DOCK5: variants seen among roughly 807,000 people sequenced by gnomAD.
The protein encoded by DOCK5 is dedicator of cytokinesis 5, also known as dedicator of cytokinesis protein 5.
In DOCK5, 142 loss-of-function variants were observed where a neutral mutation model predicts 251.8. That is an observed-to-expected ratio of 0.56 (90% CI 0.49 to 0.65). DOCK5 has a LOEUF of 0.65. DOCK5 is among the 30% of genes least tolerant of loss of function. The pLI is 0.00. For synonymous variants in DOCK5, 842 were observed against 835.5 expected, an observed-to-expected ratio of 1.01 and a Z score of -0.13; for missense variants, 2,111 against 2,312.3, an observed-to-expected ratio of 0.91 and a Z score of 1.79.
intron 3 of DOCK5, chr8:25,271,092 A>G (rs1179998502): frequency 2.8e-6 from 1 of 363,038 alleles, no homozygotes; most frequent in Non-Finnish European, 4.9e-6. Context: ...AGTCTAGCTA[A>G]TAGTGCCATT....
At chr8:25,290,142 C>A (rs1161389963) in intron 5 of DOCK5, among the ~76,000 whole-genome samples, 1 of 151,840 alleles carries the variant, frequency 6.6e-6, no homozygotes, top group Non-Finnish European at 1.5e-5. Context: ...TCCTTGAGGG[C>A]AGAAACTTTA....
At chr8:25,207,533 G>A (rs1338688133) in intron 1 of DOCK5, among the ~76,000 whole-genome samples, 1 of 152,160 alleles carries the variant, frequency 6.6e-6, no homozygotes. Context: ...AAATCTGAGG[G>A]CCCTTAACAA....
chr8:25,410,939 A>AATGTGTGTGTGTG (rs1554513012), intron 51 of DOCK5, among the ~76,000 whole-genome samples: 2,386 of 100,214 alleles, frequency 0.024, 20 homozygotes, highest in East Asian at 0.055. Context: ...GAGAGAGAAA[A>AATGTGTGTGTGTG]TGTGTGTGTG....
intron 1 of DOCK5, among the ~76,000 whole-genome samples, chr8:25,231,474 AT>A (rs1254698765): frequency 6.6e-6 from 1 of 152,184 alleles, no homozygotes; most frequent in African/African-American, 2.4e-5. Context: ...GCAATTTCAT[AT>A]TGTTTGTTGT....
intron 39 of DOCK5, among the ~76,000 whole-genome samples, chr8:25,380,820 T>TCAGTGGAGGCAGCCACCATTCCGAATGCC (rs1563223391): frequency 4.7e-5 from 7 of 150,172 alleles, no homozygotes; most frequent in East Asian, 2.0e-4. Context: ...TTCTGAAAGC[T>TCAGTGGAGGCAGCCACCATTCCGAATGCC]CAGTGGAGGC....
chr8:25,340,396 G>C (rs913038025), intron 22 of DOCK5, among the ~76,000 whole-genome samples: 1 of 152,356 alleles, frequency 6.6e-6, no homozygotes, highest in Non-Finnish European at 1.5e-5. Context: ...TGACCAGTTA[G>C]TGGTGAAATT....
At chr8:25,189,046 C>CT (rs869176300) in intron 1 of DOCK5, among the ~76,000 whole-genome samples, 1,980 of 33,424 alleles carry the variant, frequency 0.059, 46 homozygotes, top group African/African-American at 0.073. Context: ...TTCTTTCTTT[C>CT]TTTTTTTTTT....
chr8:25,331,781 C>CATAT lies in DOCK5; in HGVS notation c.1904-452_1904-449dup, dbSNP rs746849662. 2.7e-3 allele frequency among the ~76,000 whole-genome samples: 358 copies of CATAT among 131,150 alleles called. 4 individuals carry two copies. The highest frequency in any genetic ancestry group is 4.4e-3 in the Non-Finnish European group (280 of 63,060). The allele number at this position is 131,150 out of a possible 152,430, so 86.0% of individuals were successfully genotyped here. On this transcript the variant is annotated intron_variant, in intron 18 of 51. Transcript: ENST00000276440. ...GTCATGATGTTGAAATAAATTAATG[C>CATAT]ATATATATATATATATATATAGAGA... is the stretch of plus-strand genomic sequence containing the variant.
chr8:25,372,076 C>G (rs1309530859), intron 34 of DOCK5, among the ~76,000 whole-genome samples: 2 of 152,176 alleles, frequency 1.3e-5, no homozygotes, highest in South Asian at 2.1e-4. Flanking sequence ...CCAGGTTCCT[C>G]TAGGCTGGGC....
At chr8:25,375,047 G>A in intron 37 of DOCK5, 2 of 1,014,740 alleles carry the variant, frequency 2.0e-6, no homozygotes, top group South Asian at 4.3e-5. Flanking sequence ...AATGTATGTT[G>A]TGGTTTAGAT....
At chr8:25,251,530 A>T (rs1803268357) in intron 2 of DOCK5, among the ~76,000 whole-genome samples, 1 of 152,230 alleles carries the variant, frequency 6.6e-6, no homozygotes, top group African/African-American at 2.4e-5. Flanking sequence ...CTAATATGAA[A>T]AGGAATAAAA....
intron 1 of DOCK5, among the ~76,000 whole-genome samples, chr8:25,236,581 CT>C (rs1041525538): frequency 1.3e-5 from 2 of 151,832 alleles, no homozygotes; most frequent in African/African-American, 4.8e-5. Context: ...TTGTAACCAT[CT>C]TTTTTTTATT....
intron 1 of DOCK5, among the ~76,000 whole-genome samples, chr8:25,227,466 A>G (rs998051995): frequency 1.3e-5 from 2 of 151,580 alleles, no homozygotes; most frequent in African/African-American, 4.9e-5. Flanking sequence ...CATTTTGGAT[A>G]TTTTCTTATT....
intron 48 of DOCK5, among the ~76,000 whole-genome samples, chr8:25,404,765 A>G (rs929747169): frequency 6.6e-6 from 1 of 152,114 alleles, no homozygotes; most frequent in African/African-American, 2.4e-5. Flanking sequence ...TCTGTCAAAG[A>G]TGTATATTTG....
intron 37 of DOCK5, chr8:25,376,115 A>G: frequency 2.0e-6 from 2 of 984,884 alleles, no homozygotes; most frequent in Non-Finnish European, 1.2e-6. Flanking sequence ...AAAAAAAAAA[A>G]AAAAAGCAAC....
At chr8:25,217,361 T>C (rs1802274838) in intron 1 of DOCK5, among the ~76,000 whole-genome samples, 1 of 152,078 alleles carries the variant, frequency 6.6e-6, no homozygotes, top group South Asian at 2.1e-4. Flanking sequence ...TGATGATCTC[T>C]GGACACCTTA....
intron 1 of DOCK5, among the ~76,000 whole-genome samples, chr8:25,219,335 G>GT (rs1484131545): frequency 6.6e-6 from 1 of 151,974 alleles, no homozygotes; most frequent in Non-Finnish European, 1.5e-5. Flanking sequence ...TCAGTGGCAT[G>GT]TTTTTTTATT....
In DOCK5 at chr8:25,336,313, C is replaced by G; in HGVS notation, c.2267C>G (p.Ala756Gly). The G allele has an allele frequency of 6.2e-7, 1 of 1,613,870 alleles. No homozygotes were observed. The highest frequency in any genetic ancestry group is 8.5e-7 in the Non-Finnish European group (1 of 1,179,824). ...DSSKTELLFA[A>G]LKALKYLFRF... Reference sequence around the variant, plus strand: ...AGCAAGACTGAACTGCTTTTTGCTGCGTTGAAAGCCTTGAAGTACTTGTTT... The same window carrying G: ...AGCAAGACTGAACTGCTTTTTGCTGGGTTGAAAGCCTTGAAGTACTTGTTT... Residue 756 changes from alanine (A) to glycine (G), a missense_variant, in exon 22 of 52, where the codon GCG (alanine) becomes GGG (glycine). Ala to Gly is a moderately conservative substitution (Grantham distance 60). Coordinates refer to ENST00000276440, the MANE Select transcript of DOCK5 (RefSeq NM_024940.8).
intron 48 of DOCK5, among the ~76,000 whole-genome samples, chr8:25,404,740 C>G (rs941039406): frequency 1.3e-5 from 2 of 151,782 alleles, no homozygotes; most frequent in Admixed American, 6.6e-5. Context: ...GGAAAAATCT[C>G]GTATGTGAAA....
Sources: gnomAD v4.1 joint callset for allele counts (sites outside exome capture counted in the v4.1 genomes callset) on GRCh38, gnomAD v4.1.1 for gene constraint, MANE v1.5 for transcripts, NCBI Gene and HGNC (gene_info 2026-07-23, HGNC 2026-07-21) for gene names.